The following METTL16 variants were observed in gnomAD, a reference collection of about 807,000 sequenced individuals.
METTL16 encodes RNA N(6)-adenosine-methyltransferase METTL16.
Under a neutral mutation model 57.9 loss-of-function variants are expected in METTL16, and 19 were observed. That is an observed-to-expected ratio of 0.33 (90% CI 0.23 to 0.48). METTL16 has a LOEUF of 0.48. Among genes scored for constraint, METTL16 ranks in the 20% least tolerant of loss-of-function variants. The pLI, the probability that METTL16 is intolerant of heterozygous loss-of-function variation, is 0.99. For synonymous variants in METTL16, 246 were observed against 255.6 expected (o/e 0.96, Z 0.36); for missense variants, 434 against 691.5 (o/e 0.63, Z 4.18).
At chr17:2,474,864 G>A (rs1424720367) in intron 3 of METTL16, among the ~76,000 whole-genome samples, 1 of 152,194 alleles carries the variant, frequency 6.6e-6, no homozygotes, top group Non-Finnish European at 1.5e-5. Context: ...AGGTTGCAGT[G>A]AGCCGAGATC....
At chr17:2,448,908 T>A (rs1047634219) in intron 6 of METTL16, among the ~76,000 whole-genome samples, 5 of 148,280 alleles carry the variant, frequency 3.4e-5, no homozygotes, top group Non-Finnish European at 3.0e-5. Context: ...GCGCCTGTAG[T>A]CCCAGCTACT....
chr17:2,494,890 C>G (rs534882649), intron 2 of METTL16, among the ~76,000 whole-genome samples: 22 of 151,696 alleles, frequency 1.5e-4, no homozygotes, highest in Admixed American at 1.3e-3. Context: ...CCCAGATACT[C>G]GAGAGGCTGA....
intron 8 of METTL16, among the ~76,000 whole-genome samples, chr17:2,429,177 T>C (rs1044962853): frequency 2.1e-5 from 3 of 143,858 alleles, no homozygotes; most frequent in African/African-American, 7.8e-5. Context: ...TTTTTAAAAC[T>C]GATAAAGCAA....
chr17:2,442,840 T>A (rs1374969990), intron 6 of METTL16, among the ~76,000 whole-genome samples: 2 of 152,120 alleles, frequency 1.3e-5, no homozygotes, highest in African/African-American at 4.8e-5. Flanking sequence ...TAGTTCTTTT[T>A]TTTTTTTGAG....
rs1269731823 is a variant in METTL16 at position 2,498,377 on chromosome 17, A to G, written c.128+3827T>C. On this transcript the variant is annotated intron_variant, in intron 2 of 9. Transcript: ENST00000263092. The stretch of plus-strand genomic sequence containing the variant: ...CGGTGAGCCGAGACAGCGCCACTGC[A>G]CTCCAGCCTGGTGACAGAGCAAGAC... 2.6e-5 allele frequency among the ~76,000 whole-genome samples: 4 copies of G among 151,544 alleles called. No homozygotes were observed. The East Asian group carries it at 5.8e-4, about 22-fold the overall frequency.
Position 2,418,451 on chromosome 17 carries a change from G to C in METTL16, c.*1519C>G, listed in dbSNP as rs1324333203. ...ACCAAAAACACAAAATTAGCCAGGC[G>C]TGGTGGCGCGTGCCTGTAATCCCAG... On this transcript the variant is annotated 3_prime_UTR_variant, in exon 10 of 10. Transcript: ENST00000263092. 6.6e-6 allele frequency: 1 copy of C among 152,276 alleles called. No homozygotes were observed. Among genetic ancestry groups the C allele is most frequent in the African/African-American group, 2.4e-5 (1 of 41,444 alleles). 9.4% of individuals were successfully genotyped at this position (152,276 alleles called of 1,614,324 possible). A position where few individuals can be genotyped will look rare whatever the true frequency, so the allele number is the denominator to read the frequency against.
chr17:2,457,211 G>A (rs1217601774), intron 6 of METTL16, among the ~76,000 whole-genome samples: 3 of 151,334 alleles, frequency 2.0e-5, no homozygotes, highest in South Asian at 2.1e-4. Flanking sequence ...GGTGACGGGC[G>A]CCTGTAGTCC....
At chr17:2,489,086 G>C (rs1346542911) in intron 2 of METTL16, among the ~76,000 whole-genome samples, 1 of 150,700 alleles carries the variant, frequency 6.6e-6, no homozygotes, top group Admixed American at 6.7e-5. Context: ...ATTGTACCTC[G>C]ATCAATCAAG....
chr17:2,468,631 A>G (rs951834787), intron 4 of METTL16, among the ~76,000 whole-genome samples: 3 of 152,252 alleles, frequency 2.0e-5, no homozygotes, highest in Non-Finnish European at 4.4e-5. Context: ...CTGTAATCCC[A>G]GTGCTTTGGG....
intron 8 of METTL16, among the ~76,000 whole-genome samples, chr17:2,436,442 C>G (rs2066909468): frequency 6.6e-6 from 1 of 152,270 alleles, no homozygotes; most frequent in South Asian, 2.1e-4. Context: ...CTCCTGTTTT[C>G]AGAAACATGG....
chr17:2,510,055 T>G (rs113922261), intron 1 of METTL16, among the ~76,000 whole-genome samples: 1 of 151,404 alleles, frequency 6.6e-6, no homozygotes, highest in Admixed American at 6.6e-5. Context: ...CCAGCCTTGG[T>G]GACAGTGAAA....
intron 2 of METTL16, among the ~76,000 whole-genome samples, chr17:2,497,215 A>G (rs1242691532): frequency 6.6e-6 from 1 of 150,444 alleles, no homozygotes; most frequent in East Asian, 1.9e-4. Flanking sequence ...CATGTTGGCC[A>G]GACTGGTCTC....
chr17:2,452,168 G>A (rs369415509), intron 6 of METTL16, among the ~76,000 whole-genome samples: 2 of 151,078 alleles, frequency 1.3e-5, no homozygotes, highest in Admixed American at 6.6e-5. Flanking sequence ...ATACTGTAAG[G>A]TTCTTCAGGA....
intron 8 of METTL16, among the ~76,000 whole-genome samples, chr17:2,431,456 C>T (rs572587948): frequency 1.5e-4 from 23 of 152,276 alleles, no homozygotes; most frequent in African/African-American, 4.6e-4. Context: ...GTTTGTGATA[C>T]GTGTGAATAC....
chr17:2,426,407 C>A (rs1468935434), intron 8 of METTL16, among the ~76,000 whole-genome samples: 1 of 152,056 alleles, frequency 6.6e-6, no homozygotes, highest in Non-Finnish European at 1.5e-5. Flanking sequence ...GTCCTGAAAT[C>A]ACCCCCAGGA....
Position 2,420,765 on chromosome 17 carries a change from G to C in METTL16, c.1028C>G (p.Thr343Arg). The C allele has an allele frequency of 6.2e-7, 1 of 1,613,912 alleles. No homozygotes were observed. The highest frequency in any genetic ancestry group is 8.5e-7 in the Non-Finnish European group (1 of 1,179,962). The change falls in exon 9 of 10, where the codon ACG becomes AGG. Residue 343 changes from threonine to arginine, a missense_variant. Physicochemically the swap from Thr to Arg is moderately conservative, Grantham distance 71. Coordinates refer to ENST00000263092, the MANE Select transcript of METTL16 (RefSeq NM_024086.4). This position sits in a 1 kb window ranked among gnomAD's most constrained non-coding sequence, Gnocchi z 5.4. ...SETAEGIVVV[T>R]TWIEKILTDL... ...AGTGAGAATTTTTTCAATCCATGTC[G>C]TGACAACGACTATGCCTTCCGCCGT...
At chr17:2,477,533 A>C (rs899917376) in intron 3 of METTL16, 153 bp downstream of exon 3, 1 of 632,478 alleles carries the variant, frequency 1.6e-6, no homozygotes, top group Non-Finnish European at 2.8e-6. Context: ...ATTTTGAAGC[A>C]TTTCGGATTT....
chr17:2,443,986 A>T (rs183446664), intron 6 of METTL16, among the ~76,000 whole-genome samples: 9 of 152,334 alleles, frequency 5.9e-5, no homozygotes, highest in Admixed American at 5.9e-4. Flanking sequence ...ATAATGACAT[A>T]TTACATATTT....
At chr17:2,472,114 C>CAA (rs753383514) in intron 4 of METTL16, among the ~76,000 whole-genome samples, 1 of 106,494 alleles carries the variant, frequency 9.4e-6, no homozygotes. Context: ...AACTAAGTCT[C>CAA]AAAAAAAAAA....
Sources: gnomAD v4.1 joint callset for allele counts (sites outside exome capture counted in the v4.1 genomes callset) on GRCh38, gnomAD v4.1.1 for gene constraint, Gnocchi (gnomAD v3.1) non-coding constraint, MANE v1.5 for transcripts, NCBI Gene and HGNC (gene_info 2026-07-23, HGNC 2026-07-21) for gene names.